The following FRMD5 variants were observed in gnomAD, a reference collection of about 807,000 sequenced individuals.
FRMD5 encodes FERM domain-containing protein 5.
FRMD5 carries 20 observed loss-of-function variants against 69.0 expected under a neutral mutation model. That is an observed-to-expected ratio of 0.29 (90% confidence interval 0.20 to 0.42). The LOEUF is 0.42. Ranked by LOEUF, FRMD5 falls within the 10% of genes least tolerant of loss-of-function variation. The pLI, the probability that FRMD5 is intolerant of heterozygous loss-of-function variation, is 1.00. For missense variants in FRMD5, 595 were observed against 708.6 expected, an observed-to-expected ratio of 0.84 and a Z score of 1.82; for synonymous variants, 271 against 260.1, an observed-to-expected ratio of 1.04 and a Z score of -0.40.
chr15:44,196,832 C>G (rs537726326), upstream of FRMD5, among the ~76,000 whole-genome samples: 1 of 149,770 alleles, frequency 6.7e-6, no homozygotes, highest in South Asian at 2.1e-4. Flanking sequence ...CTGGACTGCT[C>G]TTAATTGGTT....
At chr15:44,128,173 A>C (rs2077049351) in intron 1 of FRMD5, among the ~76,000 whole-genome samples, 1 of 152,122 alleles carries the variant, frequency 6.6e-6, no homozygotes, top group African/African-American at 2.4e-5. Flanking sequence ...ACTATTTAGC[A>C]CTCATGAGTT....
At chr15:43,924,382 T>A in intron 1 of FRMD5, 73 bp from the exon 2 acceptor site, 1 of 1,041,912 alleles carries the variant, frequency 9.6e-7, no homozygotes, top group Non-Finnish European at 1.5e-6. Flanking sequence ...TTTATAGCCA[T>A]TAAAAGTTGT....
intron 1 of FRMD5, among the ~76,000 whole-genome samples, chr15:43,981,239 C>T (rs775831271): frequency 1.5e-4 from 23 of 151,974 alleles, no homozygotes; most frequent in Non-Finnish European, 2.1e-4. Flanking sequence ...GGATTACAGG[C>T]GTGAACCACC....
At chr15:44,081,300 T>C (rs1213217350) in intron 1 of FRMD5, among the ~76,000 whole-genome samples, 1 of 152,154 alleles carries the variant, frequency 6.6e-6, no homozygotes. Flanking sequence ...TTTTCTCTCC[T>C]TTAATTTTCT....
At chr15:44,186,186 C>T (rs1005859124) in intron 1 of FRMD5, among the ~76,000 whole-genome samples, 3 of 152,158 alleles carry the variant, frequency 2.0e-5, no homozygotes, top group African/African-American at 7.2e-5. Flanking sequence ...CTCGGCCTCC[C>T]AAAGTGCTGG....
At chr15:44,180,180 T>C (rs1316157735) in intron 1 of FRMD5, among the ~76,000 whole-genome samples, 1 of 152,150 alleles carries the variant, frequency 6.6e-6, no homozygotes, top group Non-Finnish European at 1.5e-5. Flanking sequence ...TTCACTTGTC[T>C]AAGCCTCATT....
intron 1 of FRMD5, among the ~76,000 whole-genome samples, chr15:44,083,024 C>A (rs985190673): frequency 1.3e-5 from 2 of 151,924 alleles, no homozygotes; most frequent in African/African-American, 4.8e-5. Flanking sequence ...ATACTCTGTA[C>A]GTGATTCACT....
chr15:44,149,915 A>G (rs1010951111), intron 1 of FRMD5, among the ~76,000 whole-genome samples: 4 of 152,124 alleles, frequency 2.6e-5, no homozygotes, highest in African/African-American at 9.7e-5. Flanking sequence ...CCTCAACAAA[A>G]TACTAACAAA....
chr15:44,181,234 C>A (rs572172155), intron 1 of FRMD5, among the ~76,000 whole-genome samples: 1 of 151,702 alleles, frequency 6.6e-6, no homozygotes. Flanking sequence ...GTAGAGACAG[C>A]GGTCTCACTA....
At chr15:43,884,512 T>G (rs1411179703) in intron 12 of FRMD5, among the ~76,000 whole-genome samples, 2 of 152,202 alleles carry the variant, frequency 1.3e-5, no homozygotes, top group Non-Finnish European at 2.9e-5. Flanking sequence ...CTGGATCTGA[T>G]GTACTATCTG....
At chr15:43,888,069 C>G in intron 10 of FRMD5, 106 bp downstream of exon 10, 1 of 816,610 alleles carries the variant, frequency 1.2e-6, no homozygotes, top group East Asian at 2.6e-5. Context: ...CTCTTGCCCA[C>G]TTCCAGCTAC....
intron 7 of FRMD5, among the ~76,000 whole-genome samples, chr15:43,900,699 C>A (rs1428453119): frequency 1.3e-5 from 2 of 151,142 alleles, no homozygotes; most frequent in African/African-American, 4.9e-5. Flanking sequence ...CTCACTGCAA[C>A]CTCCACTTCC....
At chr15:43,965,769 C>T (rs1311747738) in intron 1 of FRMD5, among the ~76,000 whole-genome samples, 5 of 151,780 alleles carry the variant, frequency 3.3e-5, no homozygotes, top group African/African-American at 4.8e-5. Flanking sequence ...TTAGTAGAGA[C>T]GAGGTTTCTC....
chr15:43,971,593 A>C (rs2090378935), intron 1 of FRMD5, among the ~76,000 whole-genome samples: 1 of 149,782 alleles, frequency 6.7e-6, no homozygotes, highest in Non-Finnish European at 1.5e-5. Flanking sequence ...CTGATGCAGG[A>C]GAATCACTTG....
rs1209769042 is a variant in FRMD5 at position 44,157,700 on chromosome 15, T to A, written c.102+37253A>T. Among the ~76,000 whole-genome samples the A allele has an allele frequency of 3.9e-5, 6 of 152,304 alleles. No homozygotes were observed. The East Asian group carries it at 5.8e-4, about 15-fold the overall frequency. On this transcript the variant is annotated intron_variant, in intron 1 of 13. Coordinates refer to ENST00000417257, the MANE Select transcript of FRMD5 (RefSeq NM_032892.5). ...ATGTACAATCTGATTTCACTTTAAGTTTGTCTCACTTCCTTTCTTCACTAG... is the reference window on the plus strand; with the variant it reads ...ATGTACAATCTGATTTCACTTTAAGATTGTCTCACTTCCTTTCTTCACTAG...
intron 8 of FRMD5, among the ~76,000 whole-genome samples, chr15:43,889,954 T>C (rs894722524): frequency 6.6e-6 from 1 of 152,196 alleles, no homozygotes; most frequent in Non-Finnish European, 1.5e-5. Context: ...GCGAGAATCA[T>C]GTACCCAACT....
chr15:44,008,092 T>G (rs1424531187), intron 1 of FRMD5, among the ~76,000 whole-genome samples: 1 of 127,088 alleles, frequency 7.9e-6, no homozygotes, highest in Non-Finnish European at 1.7e-5. Context: ...ATCGGCAATT[T>G]TTTTTTTTTT....
At chr15:44,042,204 C>T (rs559546615) in intron 1 of FRMD5, among the ~76,000 whole-genome samples, 4 of 152,300 alleles carry the variant, frequency 2.6e-5, no homozygotes, top group African/African-American at 7.2e-5. Context: ...AATTCCGGGA[C>T]ACATACACCC....
chr15:43,925,613 T>C (rs955452995), intron 1 of FRMD5, among the ~76,000 whole-genome samples: 5 of 152,218 alleles, frequency 3.3e-5, no homozygotes, highest in Admixed American at 3.3e-4. Flanking sequence ...TCTTAATTCT[T>C]GTTGCTCTCA....
Sources: allele counts gnomAD v4.1 joint callset (sites outside exome capture counted in the v4.1 genomes callset), GRCh38; gene constraint gnomAD v4.1.1; transcripts MANE v1.5; gene names NCBI Gene and HGNC (gene_info 2026-07-23, HGNC 2026-07-21).